UCKL1: variants seen among roughly 807,000 people sequenced by gnomAD.
The protein encoded by UCKL1 is uridine-cytidine kinase-like 1.
In UCKL1, 65 loss-of-function variants were observed where a neutral mutation model predicts 59.2. That is an observed-to-expected ratio of 1.10 (90% CI 0.90 to 1.35). UCKL1 has a LOEUF of 1.35. UCKL1 is among the 40% of genes most tolerant of loss of function. The pLI is 0.00. For missense variants in UCKL1, 703 were observed against 784.3 expected (o/e 0.90, Z 1.24); for synonymous variants, 410 against 323.1 (o/e 1.27, Z -2.88).
intron 14 of UCKL1, 33 bp from the exon 15 acceptor site, chr20:63,940,088 GGGGCCTCCCA>G: frequency 6.2e-7 from 1 of 1,611,072 alleles, no homozygotes; most frequent in Non-Finnish European, 8.5e-7. Context: ...CCAGTGTGGT[GGGGCCTCCCA>G]GGGCCACCCA....
intron 1 of UCKL1, among the ~76,000 whole-genome samples, chr20:63,951,326 G>A (rs1031659595): frequency 5.3e-5 from 8 of 152,144 alleles, no homozygotes; most frequent in Non-Finnish European, 1.0e-4. Context: ...TAGGACCGCA[G>A]GCCTGCGGAG....
intron 5 of UCKL1, among the ~76,000 whole-genome samples, chr20:63,945,120 G>A (rs527858301): frequency 6.6e-6 from 1 of 152,316 alleles, no homozygotes; most frequent in African/African-American, 2.4e-5. Context: ...ACTGGGGAAT[G>A]GGGGACGTGG....
chr20:63,941,892 G>T (rs1387088024), intron 8 of UCKL1, among the ~76,000 whole-genome samples: 1 of 147,918 alleles, frequency 6.8e-6, no homozygotes, highest in Non-Finnish European at 1.5e-5. Context: ...TGCAGGGGCA[G>T]GAAGAGGAAA....
chr20:63,948,676 G>GCGTGTGTGAGAGGGAGGGGC (rs1171032895), intron 1 of UCKL1, among the ~76,000 whole-genome samples: 2 of 133,528 alleles, frequency 1.5e-5, no homozygotes, highest in African/African-American at 5.6e-5. Flanking sequence ...AGAGGGAGGG[G>GCGTGTGTGAGAGGGAGGGGC]GTGTGTGTGA....
At position 63,944,560 on chromosome 20, in the gene UCKL1, T is replaced by C. The variant is rs1392731375; in HGVS notation, c.829A>G (p.Ile277Val). 1.2e-6 allele frequency: 2 copies of C among 1,611,214 alleles called. No homozygotes were observed. Among genetic ancestry groups the C allele is most frequent in the Non-Finnish European group, 8.5e-7 (1 of 1,179,240 alleles). ...YIQPTMRLAD[I>V]VVPRGSGNTV... Reference sequence around the variant, plus strand: ...GCAGGCTCACCTCTGGGGACCACGATGTCTGCCAGGCGCATGGTGGGCTGG... The same window carrying C: ...GCAGGCTCACCTCTGGGGACCACGACGTCTGCCAGGCGCATGGTGGGCTGG... Residue 277 changes from isoleucine to valine, a missense_variant, in exon 6 of 15, where the codon ATC (isoleucine) becomes GTC (valine). Physicochemically the swap from Ile to Val is conservative, Grantham distance 29 (BLOSUM62 3). Coordinates refer to ENST00000354216, the MANE Select transcript of UCKL1 (RefSeq NM_017859.4).
At chr20:63,943,972 C>T (rs1226898835) in intron 7 of UCKL1, among the ~76,000 whole-genome samples, 1 of 152,184 alleles carries the variant, frequency 6.6e-6, no homozygotes, top group Non-Finnish European at 1.5e-5. Flanking sequence ...CATAGAATGC[C>T]TCAGGGAGCA....
chr20:63,944,281 G>C lies in UCKL1; in HGVS notation c.906+116C>G. The C allele has an allele frequency of 5.8e-6, 6 of 1,034,334 alleles. No homozygotes were observed. The South Asian group carries it at 9.4e-5, about 16-fold the overall frequency. 64.1% of individuals were successfully genotyped at this position (1,034,334 alleles called of 1,614,324 possible). A position where few individuals can be genotyped will look rare whatever the true frequency, so the allele number is the denominator to read the frequency against. On this transcript the variant is annotated intron_variant, in intron 7 of 14. Coordinates refer to ENST00000354216, the MANE Select transcript of UCKL1 (RefSeq NM_017859.4). ...CTCAGGACACTCAGGGCTGGCACCT[G>C]GCAGGGGACAGTGAACGCAGGGGGA...
chr20:63,950,780 C>T (rs767841703), intron 1 of UCKL1: 40 of 1,538,872 alleles, frequency 2.6e-5, no homozygotes, highest in African/African-American at 5.5e-5. Context: ...TCCAAGGGCC[C>T]GGCACCCTGA....
At chr20:63,950,967 C>T in intron 1 of UCKL1, 2 of 1,306,326 alleles carry the variant, frequency 1.5e-6, no homozygotes, top group Non-Finnish European at 1.9e-6. Flanking sequence ...GGAGCTCCGG[C>T]CACCTGAACT....
intron 1 of UCKL1, chr20:63,956,034 C>A (rs568279609): frequency 9.4e-6 from 4 of 423,828 alleles, no homozygotes; most frequent in African/African-American, 8.4e-5. Flanking sequence ...CACCCGGACT[C>A]CTTCCCCGAG....
chr20:63,950,838 C>G, intron 1 of UCKL1: 1 of 1,511,656 alleles, frequency 6.6e-7, no homozygotes, highest in African/African-American at 1.4e-5. Flanking sequence ...GTCGAGGACA[C>G]GGGTGGGTGC....
At chr20:63,950,629 T>A in intron 1 of UCKL1, 1 of 1,113,416 alleles carries the variant, frequency 9.0e-7, no homozygotes, top group Non-Finnish European at 1.2e-6. Flanking sequence ...CTCTGCCCGG[T>A]GCCCGAGAGC....
At chr20:63,948,448 C>T in intron 1 of UCKL1, 1 of 151,278 alleles carries the variant, frequency 6.6e-6, no homozygotes, top group Non-Finnish European at 1.5e-5. Context: ...ACGGCATCCT[C>T]AGAGCATGGT....
intron 1 of UCKL1, among the ~76,000 whole-genome samples, chr20:63,952,524 G>T (rs1224141938): frequency 6.6e-6 from 1 of 152,184 alleles, no homozygotes; most frequent in South Asian, 2.1e-4. Flanking sequence ...CGCTCACGGT[G>T]GGGAGGGGTA....
At chr20:63,950,188 G>A (rs1384474302) in intron 1 of UCKL1, among the ~76,000 whole-genome samples, 1 of 152,212 alleles carries the variant, frequency 6.6e-6, no homozygotes, top group East Asian at 1.9e-4. Context: ...GTCAGGCTGA[G>A]TCTGCACCGA....
At position 63,956,254 on chromosome 20, in the gene UCKL1, G is replaced by A. The variant is rs1481514262; in HGVS notation, c.113+6C>T. On this transcript the variant is annotated splice_donor_region_variant and intron_variant, in intron 1 of 14. Transcript: ENST00000354216. ...CCAGTGGAGTGGAGGCGAGGCCCAC[G>A]CCTACCGGTCCTCGCACGCGGTCTC... 9.8e-6 allele frequency: 15 copies of A among 1,528,696 alleles called. No homozygotes were observed. The highest frequency in any genetic ancestry group is 1.3e-5 in the Non-Finnish European group (15 of 1,141,174). 94.7% of individuals were successfully genotyped at this position (1,528,696 alleles called of 1,614,324 possible).
At chr20:63,952,169 G>A (rs993267655) in intron 1 of UCKL1, among the ~76,000 whole-genome samples, 17 of 152,214 alleles carry the variant, frequency 1.1e-4, no homozygotes, top group Non-Finnish European at 1.2e-4. Context: ...GACAGCCCAG[G>A]GTCGGGGAGG....
At chr20:63,952,874 A>G (rs1351163557) in intron 1 of UCKL1, among the ~76,000 whole-genome samples, 1 of 152,254 alleles carries the variant, frequency 6.6e-6, no homozygotes, top group African/African-American at 2.4e-5. Flanking sequence ...CAGCAGGTTC[A>G]TTACAGGTGG....
chr20:63,947,553 C>G (rs2056584599), intron 1 of UCKL1, among the ~76,000 whole-genome samples: 2 of 152,254 alleles, frequency 1.3e-5, no homozygotes, highest in Non-Finnish European at 1.5e-5. Context: ...ACCTGATTCT[C>G]CTGCAGTGAC....
Sources: allele counts gnomAD v4.1 joint callset (sites outside exome capture counted in the v4.1 genomes callset), GRCh38; gene constraint gnomAD v4.1.1; transcripts MANE v1.5; gene names NCBI Gene and HGNC (gene_info 2026-07-23, HGNC 2026-07-21).